The following APBA2 variants were observed in gnomAD, a reference collection of about 807,000 sequenced individuals.
The protein encoded by APBA2 is amyloid-beta A4 precursor protein-binding family A member 2.
APBA2 carries 30 observed loss-of-function variants against 75.0 expected under a neutral mutation model. The observed-to-expected ratio is 0.40, with a 90% CI of 0.30 to 0.54. The LOEUF is 0.54. Ranked by LOEUF, APBA2 falls within the 20% of genes least tolerant of loss-of-function variation. APBA2 has a pLI of 0.49. For synonymous variants in APBA2, 444 were observed against 409.6 expected (o/e 1.08, Z -1.01); for missense variants, 801 against 1,016.1 (o/e 0.79, Z 2.88).
At chr15:29,003,532 A>G (rs1237764969) in intron 3 of APBA2, among the ~76,000 whole-genome samples, 2 of 152,052 alleles carry the variant, frequency 1.3e-5, no homozygotes, top group Admixed American at 1.3e-4. Context: ...GTCTCTATGG[A>G]GGTGGAATAG....
chr15:28,893,284 A>G (rs2032255753), intron 1 of APBA2, among the ~76,000 whole-genome samples: 1 of 152,208 alleles, frequency 6.6e-6, no homozygotes, highest in Non-Finnish European at 1.5e-5. Context: ...TGCTACAGTA[A>G]AGCACTCAGT....
At position 28,983,644 on chromosome 15, in the gene APBA2, G is replaced by T. The variant is rs11630839; in HGVS notation, c.-94-12109G>T. On this transcript the variant is annotated intron_variant, in intron 2 of 14. Transcript: ENST00000683413. ...CTCATGGGCCCCACCCACCCACCTC[G>T]CGGTGTAGGAGGATCCACCAAGTCA... Among the ~76,000 whole-genome samples the T allele has an allele frequency of 5.9e-5, 9 of 152,270 alleles. No homozygotes were observed. The South Asian group carries it at 1.0e-3, about 18-fold the overall frequency.
At chr15:29,101,818 A>G (rs1352529869) in intron 10 of APBA2, 34 bp downstream of exon 10, 4 of 1,603,742 alleles carry the variant, frequency 2.5e-6, no homozygotes, top group Non-Finnish European at 3.4e-6. Context: ...CTCCCCTCCC[A>G]AAGTTCACAG....
At chr15:28,899,211 C>G (rs1284572899) in intron 1 of APBA2, among the ~76,000 whole-genome samples, 1 of 152,240 alleles carries the variant, frequency 6.6e-6, no homozygotes, top group Non-Finnish European at 1.5e-5. Flanking sequence ...CCTGCCTCCC[C>G]AGGCAAGGGC....
intron 2 of APBA2, among the ~76,000 whole-genome samples, chr15:28,949,517 G>A (rs1330462719): frequency 6.6e-6 from 1 of 152,130 alleles, no homozygotes; most frequent in Non-Finnish European, 1.5e-5. Flanking sequence ...CACCCAGGCT[G>A]GAGTGCAGTG....
At chr15:28,928,542 G>A (rs939682798) in intron 2 of APBA2, among the ~76,000 whole-genome samples, 1 of 152,140 alleles carries the variant, frequency 6.6e-6, no homozygotes, top group Non-Finnish European at 1.5e-5. Context: ...ATTTCCCTGG[G>A]CTGTGACTGT....
intron 3 of APBA2, among the ~76,000 whole-genome samples, chr15:29,001,306 G>T (rs991012986): frequency 6.6e-6 from 1 of 152,120 alleles, no homozygotes; most frequent in Non-Finnish European, 1.5e-5. Flanking sequence ...CTTGAACTGG[G>T]CTCAAGCAAT....
At chr15:28,958,634 T>C (rs1329437825) in intron 2 of APBA2, among the ~76,000 whole-genome samples, 3 of 152,158 alleles carry the variant, frequency 2.0e-5, no homozygotes, top group African/African-American at 7.2e-5. Flanking sequence ...CTGTCCCCAC[T>C]GGGGCAGGGA....
chr15:29,036,353 T>A (rs1188126314), intron 3 of APBA2, among the ~76,000 whole-genome samples: 3 of 152,204 alleles, frequency 2.0e-5, no homozygotes, highest in Admixed American at 6.5e-5. Flanking sequence ...TCAGGGAGGA[T>A]GAGCATCACC....
In APBA2 at chr15:29,078,619, A is replaced by C. The variant is rs541740668; in HGVS notation, c.1069+2528A>C. On this transcript the variant is annotated intron_variant, in intron 6 of 14. Coordinates refer to ENST00000683413, the MANE Select transcript of APBA2 (RefSeq NM_001353788.2). Reference sequence around the variant, plus strand: ...GAGCAAGACTCCATCTCAAAAAAAAAAAAAACAAAACAAAAAACAAAAAAA... The same window carrying C: ...GAGCAAGACTCCATCTCAAAAAAAACAAAAACAAAACAAAAAACAAAAAAA... 9.9e-5 allele frequency among the ~76,000 whole-genome samples: 15 copies of C among 151,924 alleles called. 1 individual carries two copies. In the East Asian group the frequency reaches 1.5e-3, roughly 16 times the overall value.
rs1487155554 is a variant in APBA2, at chr15:29,101,687, C to T, written c.1427C>T (p.Pro476Leu). 13 of 1,613,586 alleles carry T rather than the reference C, an allele frequency of 8.1e-6. No homozygotes were observed. The highest frequency in any genetic ancestry group is 1.0e-5 in the Non-Finnish European group (12 of 1,180,036). ...GTGCTGATGGCCAGACGCCGCATGCCCCGGTCAGCCTCTCAGGACTGCATC... is the reference window on the plus strand; with the variant it reads ...GTGCTGATGGCCAGACGCCGCATGCTCCGGTCAGCCTCTCAGGACTGCATC... ...IVVLMARRRM[P>L]RSASQDCIET... The change falls in exon 10 of 15, where the codon CCC becomes CTC. Residue 476 changes from proline (P) to leucine (L), a missense_variant. Pro to Leu is a moderately conservative substitution (Grantham distance 98, BLOSUM62 -3). Coordinates refer to ENST00000683413, the MANE Select transcript of APBA2 (RefSeq NM_001353788.2).
chr15:29,060,035 A>G lies in APBA2; in HGVS notation c.951+5200A>G, dbSNP rs375679150. Among the ~76,000 whole-genome samples the G allele has an allele frequency of 2.4e-4, 36 of 152,242 alleles. No individual in the cohort carries two copies. In the South Asian group the frequency reaches 6.6e-3, roughly 28 times the overall value. On this transcript the variant is annotated intron_variant, in intron 4 of 14. Transcript: ENST00000683413. The stretch of plus-strand genomic sequence containing the variant: ...AGCTTTACACCCTGGGGAGTAAAGG[A>G]CCCGTACACATGAACTCCCAAGGCC...
chr15:28,969,410 C>T (rs2036945517), intron 2 of APBA2, among the ~76,000 whole-genome samples: 1 of 152,016 alleles, frequency 6.6e-6, no homozygotes, highest in Non-Finnish European at 1.5e-5. Context: ...GAACTCCTGA[C>T]CTCAGGTAAT....
At chr15:29,065,035 G>A (rs929727249) in intron 4 of APBA2, among the ~76,000 whole-genome samples, 1 of 151,746 alleles carries the variant, frequency 6.6e-6, no homozygotes, top group Non-Finnish European at 1.5e-5. Flanking sequence ...GTGCACGCAC[G>A]CTTGTATGTG....
intron 3 of APBA2, among the ~76,000 whole-genome samples, chr15:29,004,447 T>C (rs1427217394): frequency 1.3e-5 from 2 of 152,216 alleles, no homozygotes; most frequent in Non-Finnish European, 2.9e-5. Context: ...TAGAGGCCAT[T>C]TCCACATTGG....
At chr15:29,080,105 T>C (rs1404338705) in intron 6 of APBA2, among the ~76,000 whole-genome samples, 2 of 152,216 alleles carry the variant, frequency 1.3e-5, no homozygotes, top group Non-Finnish European at 2.9e-5. Context: ...CATTCCTCCC[T>C]ACCCAGCATG....
intron 2 of APBA2, among the ~76,000 whole-genome samples, chr15:28,922,943 G>A (rs2034055391): frequency 6.6e-6 from 1 of 152,194 alleles, no homozygotes; most frequent in Admixed American, 6.5e-5. Context: ...TGTTGCCCAT[G>A]TGGTAGAACT....
Position 28,918,008 on chromosome 15 carries a change from A to C in APBA2, c.-204-3632A>C, listed in dbSNP as rs1043763871. ...CCCAGCTCAGCTGCCTGCTGCTTAGATGCCACTGTGGGGCAAGGAAGCTGC... is the reference window on the plus strand; with the variant it reads ...CCCAGCTCAGCTGCCTGCTGCTTAGCTGCCACTGTGGGGCAAGGAAGCTGC... On this transcript the variant is annotated intron_variant, in intron 1 of 14. Transcript: ENST00000683413. This position sits in a 1 kb window ranked among gnomAD's most constrained non-coding sequence, Gnocchi z 4.2. 2.0e-5 allele frequency among the ~76,000 whole-genome samples: 3 copies of C among 152,160 alleles called. No individual in the cohort carries two copies. The highest frequency in any genetic ancestry group is 4.4e-5 in the Non-Finnish European group (3 of 68,026).
intron 1 of APBA2, among the ~76,000 whole-genome samples, chr15:28,886,479 C>G (rs1373175096): frequency 7.1e-6 from 1 of 141,632 alleles, no homozygotes; most frequent in Non-Finnish European, 1.5e-5. Context: ...CCCCACTCCT[C>G]TCTGACCGGC....
Sources: gnomAD v4.1 joint callset for allele counts (sites outside exome capture counted in the v4.1 genomes callset) on GRCh38, gnomAD v4.1.1 for gene constraint, Gnocchi (gnomAD v3.1) non-coding constraint, MANE v1.5 for transcripts, NCBI Gene and HGNC (gene_info 2026-07-23, HGNC 2026-07-21) for gene names.